The following CACNA1G variants were observed in gnomAD, a reference collection of about 807,000 sequenced individuals.
CACNA1G encodes voltage-dependent T-type calcium channel subunit alpha-1G.
In CACNA1G, 67 loss-of-function variants were observed where a neutral mutation model predicts 219.4. That is an observed-to-expected ratio of 0.31 (90% CI 0.25 to 0.37). CACNA1G has a LOEUF of 0.37. Ranked by LOEUF, CACNA1G falls within the 10% of genes least tolerant of loss-of-function variation. The pLI is 1.00. For missense variants in CACNA1G, 2,380 were observed against 3,231.4 expected (o/e 0.74, Z 6.39); for synonymous variants, 1,296 against 1,345.3 (o/e 0.96, Z 0.80).
chr17:50,590,046 C>T (rs1244955997), intron 9 of CACNA1G, among the ~76,000 whole-genome samples: 1 of 152,076 alleles, frequency 6.6e-6, no homozygotes, highest in African/African-American at 2.4e-5. Flanking sequence ...TGGGGCTTGA[C>T]GACCGGGTGT....
At chr17:50,574,461 C>A (rs2040170626) in intron 7 of CACNA1G, among the ~76,000 whole-genome samples, 1 of 152,198 alleles carries the variant, frequency 6.6e-6, no homozygotes, top group African/African-American at 2.4e-5. Flanking sequence ...GAAGAGTGGG[C>A]AGGCTTGGGG....
chr17:50,594,865 T>G, intron 13 of CACNA1G, 128 bp from the exon 14 acceptor site: 3 of 638,924 alleles, frequency 4.7e-6, no homozygotes, highest in Non-Finnish European at 8.4e-6. Flanking sequence ...ATTCCCCGTG[T>G]CTCTCAGTTC....
intron 26 of CACNA1G, 70 bp from the exon 27 acceptor site, chr17:50,615,291 G>C (rs909565835): frequency 7.2e-7 from 1 of 1,392,354 alleles, no homozygotes; most frequent in Non-Finnish European, 9.5e-7. Flanking sequence ...TGGCTGTGAG[G>C]GACTGGGGGT....
rs1320337637 is a variant in CACNA1G, at chr17:50,617,761, C to T, written c.5156-98C>T. ...TGCAACCTGGCTGGCCCGGAGATGGCCATCCCAGCAGCCCCAGCCCAGCCC... is the reference window on the plus strand; with the variant it reads ...TGCAACCTGGCTGGCCCGGAGATGGTCATCCCAGCAGCCCCAGCCCAGCCC... On this transcript the variant is annotated intron_variant, in intron 29 of 37. Transcript: ENST00000359106. The surrounding 1 kb of genome is among the most constrained non-coding windows in gnomAD (Gnocchi z 5.8). 4.0e-5 allele frequency: 58 copies of T among 1,462,040 alleles called. No homozygotes were observed. The highest frequency in any genetic ancestry group is 4.7e-4 in the Middle Eastern group (2 of 4,288). 90.6% of individuals were successfully genotyped at this position (1,462,040 alleles called of 1,614,324 possible). A position where few individuals can be genotyped will look rare whatever the true frequency, so the allele number is the denominator to read the frequency against.
chr17:50,562,639 TAA>T (rs1277561100), intron 1 of CACNA1G, among the ~76,000 whole-genome samples: 1 of 152,172 alleles, frequency 6.6e-6, no homozygotes, highest in African/African-American at 2.4e-5. Flanking sequence ...CTTTCACAAA[TAA>T]AGAGTGCTCC....
At position 50,626,476 on chromosome 17, in the gene CACNA1G, C is replaced by T. The variant is rs1223798605; in HGVS notation, c.6859C>T (p.Pro2287Ser). ...SGSQPHLGTD[P>S]SNLGGQPLGG... The stretch of plus-strand genomic sequence containing the variant: ...CTCCCAACCCCACCTGGGCACAGAC[C>T]CCTCTAACCTTGGGGGCCAGCCTCT... Residue 2287 changes from proline (P) to serine (S), a missense_variant, in exon 38 of 38, where the codon CCC (proline) becomes TCC (serine). Physicochemically the swap from Pro to Ser is moderately conservative, Grantham distance 74. Transcript: ENST00000359106. The surrounding 1 kb of genome is among the most constrained non-coding windows in gnomAD (Gnocchi z 4.3). 8 of 1,596,512 alleles carry T rather than the reference C, an allele frequency of 5.0e-6. No individual in the cohort carries two copies. Among genetic ancestry groups the T allele is most frequent in the Non-Finnish European group, 6.8e-6 (8 of 1,172,410 alleles).
Position 50,623,799 on chromosome 17 carries a change from G to T in CACNA1G, c.6061-108G>T. On this transcript the variant is annotated intron_variant, in intron 35 of 37. Transcript: ENST00000359106. The stretch of plus-strand genomic sequence containing the variant: ...TACCTTGTCCTGGGAGGGCACGGGG[G>T]TGAGGGCTGGGCGGGGGGCGCTGCT... 4 of 1,195,672 alleles carry T rather than the reference G, an allele frequency of 3.3e-6. No individual in the cohort carries two copies. The South Asian group carries it at 5.9e-5, about 18-fold the overall frequency. The allele number at this position is 1,195,672 out of a possible 1,614,324, so 74.1% of individuals were successfully genotyped here.
Position 50,600,763 on chromosome 17 carries a change from G to T in CACNA1G, c.3728G>T (p.Arg1243Leu). Residue 1243 changes from arginine to leucine, a missense_variant, in exon 18 of 38, where the codon CGA becomes CTA. By Grantham distance (102) the Arg-to-Leu change is moderately radical. Coordinates refer to ENST00000359106, the MANE Select transcript of CACNA1G (RefSeq NM_018896.5). The surrounding 1 kb of genome is among the most constrained non-coding windows in gnomAD (Gnocchi z 4.1). ...CGGGTCCGCGCGTGGATCCGAGCCC[G>T]ACTCCCTGCCTGCTGCCTCGAGCGA... ...GERVRAWIRA[R>L]LPACCLERDS... 1.2e-6 allele frequency: 2 copies of T among 1,613,844 alleles called. No individual in the cohort carries two copies.
chr17:50,618,167 G>T lies in CACNA1G; in HGVS notation c.5305+41G>T. The T allele has an allele frequency of 6.2e-7, 1 of 1,613,060 alleles. No individual in the cohort carries two copies. The highest frequency in any genetic ancestry group is 1.1e-5 in the South Asian group (1 of 91,034). On this transcript the variant is annotated intron_variant, in intron 31 of 37. Transcript: ENST00000359106. This position sits in a 1 kb window ranked among gnomAD's most constrained non-coding sequence, Gnocchi z 5.3. ...GGAGGGTGGAGGAGCCAGGGCTGGA[G>T]ACCAGGGGGCTCCTGGACTAACATG...
rs1375688224 is a variant in CACNA1G at position 50,600,931 on chromosome 17, G to A, written c.3791+105G>A. ...GATTTGAGAAGTGGCACCCTGCCTG[G>A]GGTGTGAGCAGGGTGGCCTCAGCTG... On this transcript the variant is annotated intron_variant, in intron 18 of 37. Transcript: ENST00000359106. The surrounding 1 kb of genome is among the most constrained non-coding windows in gnomAD (Gnocchi z 4.1). The A allele has an allele frequency of 6.4e-7, 1 of 1,554,412 alleles. No homozygotes were observed. The highest frequency in any genetic ancestry group is 1.1e-5 in the South Asian group (1 of 89,320).
In CACNA1G at chr17:50,575,991, G is replaced by A. The variant is rs7222276; in HGVS notation, c.1589G>A (p.Arg530His). Residue 530 changes from arginine (R) to histidine (H), a missense_variant, in exon 8 of 38, where the codon CGC (arginine) becomes CAC (histidine). Arg to His is a conservative substitution (Grantham distance 29). Coordinates refer to ENST00000359106, the MANE Select transcript of CACNA1G (RefSeq NM_018896.5). The part of the protein sequence containing the change: ...EIQDRDANGS[R>H]RLMLPPPSTP... ...CAGGACAGGGATGCCAATGGGTCCC[G>A]CCGGCTCATGCTGCCACCACCCTCG... 1,318 of 1,553,872 alleles carry A rather than the reference G, an allele frequency of 8.5e-4. 14 individuals carry two copies. In the African/African-American group the frequency reaches 0.015, roughly 18 times the overall value.
chr17:50,594,113 G>C (rs893080815), intron 13 of CACNA1G, among the ~76,000 whole-genome samples: 1 of 152,200 alleles, frequency 6.6e-6, no homozygotes, highest in African/African-American at 2.4e-5. Flanking sequence ...TTCAAGGGTA[G>C]CCCCCCTGCT....
intron 1 of CACNA1G, chr17:50,561,989 T>G: frequency 1.1e-5 from 4 of 362,902 alleles, no homozygotes; most frequent in Non-Finnish European, 2.0e-5. Flanking sequence ...TGTGCCCCGC[T>G]GGCTCGCAGC....
In CACNA1G at chr17:50,564,125, A is replaced by AGTGTGT. The variant is rs67152102; in HGVS notation, c.242+2457_242+2462dup. ...AGAGGAGATCTAGACCCAGGTAGGA[A>AGTGTGT]GTGTGTGTGTGTGTGTGTGTGTGTG... On this transcript the variant is annotated intron_variant, in intron 1 of 37. Coordinates refer to ENST00000359106, the MANE Select transcript of CACNA1G (RefSeq NM_018896.5). Among the ~76,000 whole-genome samples, 425 of 138,696 alleles carry AGTGTGT rather than the reference A, an allele frequency of 3.1e-3. 4 individuals carry two copies. The highest frequency in any genetic ancestry group is 0.01 in the East Asian group (48 of 4,710). The allele number at this position is 138,696 out of a possible 152,430, so 91.0% of individuals were successfully genotyped here.
At chr17:50,581,529 G>A (rs373250882) in intron 9 of CACNA1G, among the ~76,000 whole-genome samples, 1 of 152,024 alleles carries the variant, frequency 6.6e-6, no homozygotes, top group African/African-American at 2.4e-5. Flanking sequence ...CTCATCATTC[G>A]CTTGTCCCGT....
In CACNA1G at chr17:50,617,595, GCC is replaced by G. The variant is rs761787455; in HGVS notation, c.5155+26_5155+27del. The G allele has an allele frequency of 6.2e-6, 10 of 1,611,310 alleles. No homozygotes were observed. Among genetic ancestry groups the G allele is most frequent in the Non-Finnish European group, 8.5e-6 (10 of 1,178,526 alleles). ...AGGTTGGTGCCCAGCCCACGCACCT[GCC>G]CTCCTAGGGTGACCAGCCCAGGGAG... is the stretch of plus-strand genomic sequence containing the variant. On this transcript the variant is annotated intron_variant, in intron 29 of 37. Coordinates refer to ENST00000359106, the MANE Select transcript of CACNA1G (RefSeq NM_018896.5). This position sits in a 1 kb window ranked among gnomAD's most constrained non-coding sequence, Gnocchi z 5.8.
rs2071391800 is a variant in CACNA1G at position 50,621,503 on chromosome 17, G to A, written c.5926-157G>A. On this transcript the variant is annotated intron_variant, in intron 34 of 37. Coordinates refer to ENST00000359106, the MANE Select transcript of CACNA1G (RefSeq NM_018896.5). This position sits in a 1 kb window ranked among gnomAD's most constrained non-coding sequence, Gnocchi z 4.6. ...GGGGAGGCACTGTCAGCTTGTTTGG[G>A]GAAAGGGTGGGGAGAGAGAAGGGAT... Among the ~76,000 whole-genome samples, 1 of 152,182 alleles carries A rather than the reference G, an allele frequency of 6.6e-6. No homozygotes were observed. Among genetic ancestry groups the A allele is most frequent in the African/African-American group, 2.4e-5 (1 of 41,444 alleles).
rs1659827186 is a variant in CACNA1G at position 50,571,321 on chromosome 17, C to T, written c.587-557C>T. ...AGATTCCTGCCTGCTGTCATTCCTC[C>T]TGGAGTTCGCTGCCTCAGTTTCCCT... On this transcript the variant is annotated intron_variant, in intron 4 of 37. Transcript: ENST00000359106. This position sits in a 1 kb window ranked among gnomAD's most constrained non-coding sequence, Gnocchi z 4.3. 6.6e-6 allele frequency among the ~76,000 whole-genome samples: 1 copy of T among 152,204 alleles called. No individual in the cohort carries two copies. Among genetic ancestry groups the T allele is most frequent in the African/African-American group, 2.4e-5 (1 of 41,442 alleles).
chr17:50,618,104 C>G lies in CACNA1G; in HGVS notation c.5283C>G (p.Gly1761=). ...TGTTTTTCATCTTTGCAGCTCTGGG[C>G]GTGGAGCTCTTTGGAGACCTGGGTG... The part of the protein sequence containing the change: ...MLLFFIFAAL[G]VELFGDLECD... The change falls in exon 31 of 38, where the codon GGC becomes GGG. Residue 1761 remains glycine (G), a synonymous_variant. Coordinates refer to ENST00000359106, the MANE Select transcript of CACNA1G (RefSeq NM_018896.5). The surrounding 1 kb of genome is among the most constrained non-coding windows in gnomAD (Gnocchi z 5.3). 6.2e-7 allele frequency: 1 copy of G among 1,613,850 alleles called. No homozygotes were observed. The highest frequency in any genetic ancestry group is 8.5e-7 in the Non-Finnish European group (1 of 1,179,844).
Sources: allele counts gnomAD v4.1 joint callset (sites outside exome capture counted in the v4.1 genomes callset), GRCh38; gene constraint gnomAD v4.1.1; non-coding constraint Gnocchi (gnomAD v3.1); transcripts MANE v1.5; gene names NCBI Gene and HGNC (gene_info 2026-07-23, HGNC 2026-07-21).